The following TIMMDC1 variants were observed in gnomAD, a reference collection of about 807,000 sequenced individuals.
TIMMDC1 encodes translocase of inner mitochondrial membrane domain containing 1.
A neutral mutation model predicts 32.6 loss-of-function variants in TIMMDC1; 25 were observed. The observed-to-expected ratio is 0.77, with a 90% CI of 0.56 to 1.07. The LOEUF is 1.07. Ranked by LOEUF, TIMMDC1 falls within the 50% of genes least tolerant of loss-of-function variation. The probability of loss-of-function intolerance (pLI) is 0.00; values close to 1 mark genes in which losing one functional copy is unlikely to be tolerated. For synonymous variants in TIMMDC1, 130 were observed against 127.6 expected (o/e 1.02, Z -0.13); for missense variants, 329 against 349.2 (o/e 0.94, Z 0.46).
At chr3:119,521,673 A>G (rs1406145010) in intron 6 of TIMMDC1, among the ~76,000 whole-genome samples, 1 of 151,546 alleles carries the variant, frequency 6.6e-6, no homozygotes, top group Non-Finnish European at 1.5e-5. Context: ...AGCCTGGGCA[A>G]CAAAGTGAGT....
chr3:119,522,804 T>TTGTGTGTGTGTGTGTG lies in TIMMDC1; in HGVS notation c.708-785_708-770dup, dbSNP rs71156752. Among the ~76,000 whole-genome samples the TTGTGTGTGTGTGTGTG allele has an allele frequency of 2.8e-4, 42 of 148,758 alleles. 1 individual carries two copies. In the South Asian group the frequency reaches 8.8e-3, roughly 31 times the overall value. ...GTATAGCATATACACGTATGGGTGTTTGTGTGTGTGTGTGTGTGTGTGTGT... is the reference window on the plus strand; with the variant it reads ...GTATAGCATATACACGTATGGGTGTTTGTGTGTGTGTGTGTGTGTGTGTGTGTGTGTGTGTGTGTGT... On this transcript the variant is annotated intron_variant, in intron 6 of 6. Transcript: ENST00000494664.
chr3:119,511,014 C>G (rs2081948687), intron 4 of TIMMDC1, among the ~76,000 whole-genome samples: 2 of 152,204 alleles, frequency 1.3e-5, no homozygotes, highest in Non-Finnish European at 2.9e-5. Context: ...TTACCAATAA[C>G]ATAAACAGTT....
chr3:119,505,424 C>T (rs1261744490), intron 4 of TIMMDC1, among the ~76,000 whole-genome samples: 4 of 151,474 alleles, frequency 2.6e-5, no homozygotes, highest in African/African-American at 9.7e-5. Context: ...AGTACAATGG[C>T]GCGATCTCAG....
chr3:119,515,065 C>T (rs1213868189), intron 5 of TIMMDC1, among the ~76,000 whole-genome samples: 1 of 152,022 alleles, frequency 6.6e-6, no homozygotes, highest in East Asian at 1.9e-4. Flanking sequence ...TGGCAAGCGC[C>T]TGTAATCACA....
At position 119,517,249 on chromosome 3, in the gene TIMMDC1, G is replaced by C. The variant is rs1307877725; in HGVS notation, c.641G>C (p.Gly214Ala). The part of the protein sequence containing the change: ...GLLMAFQKYS[G>A]ETVQERKQKD... ...CTGATGGCATTTCAGAAGTACTCTG[G>C]TGAGACTGTTCAGGAAAGAAAACAG... is the stretch of plus-strand genomic sequence containing the variant. The change falls in exon 6 of 7, where the codon GGT becomes GCT. Residue 214 changes from glycine to alanine, a missense_variant. By Grantham distance (60) the Gly-to-Ala change is moderately conservative. Coordinates refer to ENST00000494664, the MANE Select transcript of TIMMDC1 (RefSeq NM_016589.4). 3 of 1,613,714 alleles carry C rather than the reference G, an allele frequency of 1.9e-6. No individual in the cohort carries two copies. Among genetic ancestry groups the C allele is most frequent in the Non-Finnish European group, 2.5e-6 (3 of 1,179,832 alleles).
At chr3:119,519,587 A>G (rs967973268) in intron 6 of TIMMDC1, among the ~76,000 whole-genome samples, 9 of 152,178 alleles carry the variant, frequency 5.9e-5, no homozygotes, top group African/African-American at 2.2e-4. Context: ...ACCCAACACC[A>G]GAGCATCCAT....
At chr3:119,521,301 T>G (rs1476242579) in intron 6 of TIMMDC1, among the ~76,000 whole-genome samples, 1 of 152,190 alleles carries the variant, frequency 6.6e-6, no homozygotes, top group African/African-American at 2.4e-5. Context: ...ACACTTGTAA[T>G]TCCAGGACTT....
Position 119,523,787 on chromosome 3 carries a change from G to C in TIMMDC1, c.*31G>C. On this transcript the variant is annotated 3_prime_UTR_variant, in exon 7 of 7. Coordinates refer to ENST00000494664, the MANE Select transcript of TIMMDC1 (RefSeq NM_016589.4). Reference sequence around the variant, plus strand: ...CTCTGAACTTGAAACTCACTGGAGAGCTGAAGGGAGCTGCCATGTCCGATG... The same window carrying C: ...CTCTGAACTTGAAACTCACTGGAGACCTGAAGGGAGCTGCCATGTCCGATG... 6.5e-7 allele frequency: 1 copy of C among 1,547,576 alleles called. No homozygotes were observed. Among genetic ancestry groups the C allele is most frequent in the South Asian group, 1.2e-5 (1 of 80,258 alleles).
chr3:119,518,089 T>C (rs1023476515), intron 6 of TIMMDC1, among the ~76,000 whole-genome samples: 2 of 152,086 alleles, frequency 1.3e-5, no homozygotes, highest in Admixed American at 6.6e-5. Flanking sequence ...ACAATGGTTG[T>C]TCATGCACTG....
chr3:119,523,230 C>T (rs1281799457), intron 6 of TIMMDC1, among the ~76,000 whole-genome samples: 1 of 152,168 alleles, frequency 6.6e-6, no homozygotes. Context: ...TTAAGAGTGG[C>T]AGGGTACTTA....
chr3:119,507,307 T>G (rs774477190), intron 4 of TIMMDC1, among the ~76,000 whole-genome samples: 80 of 152,306 alleles, frequency 5.3e-4, no homozygotes, highest in Non-Finnish European at 6.5e-4. Flanking sequence ...TATTCTGTGT[T>G]TGTTTGTTTG....
intron 4 of TIMMDC1, among the ~76,000 whole-genome samples, chr3:119,511,715 T>C (rs1330384170): frequency 6.6e-6 from 1 of 152,156 alleles, no homozygotes; most frequent in East Asian, 1.9e-4. Context: ...AAAGCCCTAA[T>C]ATATCAAAAA....
In TIMMDC1 at chr3:119,498,694, T is replaced by C; in HGVS notation, c.-40T>C. On this transcript the variant is annotated 5_prime_UTR_variant, in exon 1 of 7. Coordinates refer to ENST00000494664, the MANE Select transcript of TIMMDC1 (RefSeq NM_016589.4). ...GCGGCACGTCCGCGAGGACTTGAAG[T>C]CCTGAGCGCTCAAGTTTGTCCGTAG... is the stretch of plus-strand genomic sequence containing the variant. 6.3e-7 allele frequency: 1 copy of C among 1,599,234 alleles called. No homozygotes were observed. Among genetic ancestry groups the C allele is most frequent in the Non-Finnish European group, 8.6e-7 (1 of 1,168,578 alleles).
intron 5 of TIMMDC1, among the ~76,000 whole-genome samples, chr3:119,514,363 T>G (rs1264710325): frequency 6.6e-6 from 1 of 152,174 alleles, no homozygotes; most frequent in Non-Finnish European, 1.5e-5. Flanking sequence ...CTAAACTGTT[T>G]GAGACCTCAT....
chr3:119,516,350 G>C (rs2081985419), intron 5 of TIMMDC1, among the ~76,000 whole-genome samples: 1 of 152,102 alleles, frequency 6.6e-6, no homozygotes, highest in Non-Finnish European at 1.5e-5. Context: ...TACACTATTT[G>C]TCCTTTTGTG....
intron 6 of TIMMDC1, among the ~76,000 whole-genome samples, chr3:119,517,967 GA>G: frequency 7.1e-6 from 1 of 141,332 alleles, no homozygotes; most frequent in Middle Eastern, 3.8e-3. Context: ...TCTCAAAAAA[GA>G]AAAAAAGTGA....
rs1358207453 is a variant in TIMMDC1, at chr3:119,500,438, C to G, written c.195-257C>G. 8.2e-6 allele frequency: 3 copies of G among 364,198 alleles called. No individual in the cohort carries two copies. The East Asian group carries it at 1.4e-4, about 17-fold the overall frequency. 22.6% of individuals were successfully genotyped at this position (364,198 alleles called of 1,614,324 possible). On this transcript the variant is annotated intron_variant, in intron 1 of 6. Coordinates refer to ENST00000494664, the MANE Select transcript of TIMMDC1 (RefSeq NM_016589.4). ...AAGAAATGGCAACTATTGTAACATC[C>G]CAAAAGCTCCCCTTGTGCCTTTTCC...
At chr3:119,502,325 G>T (rs2081883314) in intron 2 of TIMMDC1, among the ~76,000 whole-genome samples, 1 of 151,538 alleles carries the variant, frequency 6.6e-6, no homozygotes, top group Non-Finnish European at 1.5e-5. Flanking sequence ...CATTTCCCAG[G>T]CTCACTCGAT....
intron 6 of TIMMDC1, among the ~76,000 whole-genome samples, chr3:119,522,917 T>C (rs1485781447): frequency 6.6e-6 from 1 of 151,026 alleles, no homozygotes; most frequent in Non-Finnish European, 1.5e-5. Flanking sequence ...TACAGGAAAA[T>C]CAAACAAATT....
Sources: gnomAD v4.1 joint callset for allele counts (sites outside exome capture counted in the v4.1 genomes callset) on GRCh38, gnomAD v4.1.1 for gene constraint, MANE v1.5 for transcripts, NCBI Gene and HGNC (gene_info 2026-07-23, HGNC 2026-07-21) for gene names.